WDR17: variants seen among roughly 807,000 people sequenced by gnomAD.
WDR17 encodes the protein WD repeat domain 17.
WDR17 carries 143 observed loss-of-function variants against 161.7 expected under a neutral mutation model. The observed-to-expected ratio is 0.88, with a 90% confidence interval of 0.77 to 1.02. WDR17 has a LOEUF of 1.02. Ranked by LOEUF, WDR17 falls within the 50% of genes least tolerant of loss-of-function variation. The probability of loss-of-function intolerance (pLI) is 0.00; values close to 1 mark genes in which losing one functional copy is unlikely to be tolerated. For synonymous variants in WDR17, 517 were observed against 515.6 expected (o/e 1.00, Z -0.04); for missense variants, 1,469 against 1,520.9 (o/e 0.97, Z 0.57).
chr4:176,086,552 C>T (rs1735443506), intron 1 of WDR17, among the ~76,000 whole-genome samples: 1 of 151,746 alleles, frequency 6.6e-6, no homozygotes, highest in African/African-American at 2.4e-5. Flanking sequence ...AGCAACGTTC[C>T]TCTCTTTTTG....
intron 5 of WDR17, among the ~76,000 whole-genome samples, chr4:176,126,586 C>T (rs992028397): frequency 6.6e-6 from 1 of 152,094 alleles, no homozygotes; most frequent in African/African-American, 2.4e-5. Context: ...CACAAAATTT[C>T]AAGAAGCAAA....
chr4:176,120,034 A>G lies in WDR17; in HGVS notation c.475A>G (p.Thr159Ala). 6.2e-7 allele frequency: 1 copy of G among 1,614,102 alleles called. No individual in the cohort carries two copies. Among genetic ancestry groups the G allele is most frequent in the African/African-American group, 1.3e-5 (1 of 75,024 alleles). The change falls in exon 4 of 29, where the codon ACA becomes GCA. Residue 159 changes from threonine (T) to alanine (A), a missense_variant. Thr to Ala is a moderately conservative substitution (Grantham distance 58, BLOSUM62 0). Coordinates refer to ENST00000508596, the MANE Select transcript of WDR17 (RefSeq NM_181265.4). ...TGATATCTGTATGTTCAGATGGCAT[A>G]CACACCAAAAGGGGAAAGTTGTGTT... ...LSDICMFRWH[T>A]HQKGKVVFGH...
At chr4:176,174,819 C>A in intron 26 of WDR17, 101 bp downstream of exon 26, 1 of 643,952 alleles carries the variant, frequency 1.6e-6, no homozygotes, top group Non-Finnish European at 2.6e-6. Context: ...TATATTATTA[C>A]AAGTATCCAT....
chr4:176,137,369 T>C (rs1239101969), intron 8 of WDR17, 151 bp from the exon 9 acceptor site: 6 of 569,680 alleles, frequency 1.1e-5, no homozygotes, highest in Non-Finnish European at 1.8e-5. Flanking sequence ...TTATTTTATC[T>C]ATAATTTTAT....
chr4:176,109,484 T>TA (rs751473083), intron 1 of WDR17, among the ~76,000 whole-genome samples: 2 of 152,138 alleles, frequency 1.3e-5, no homozygotes, highest in Non-Finnish European at 2.9e-5. Context: ...TTCAAGTAAT[T>TA]TATTTACTTT....
At chr4:176,157,910 A>G (rs1033180115) in intron 18 of WDR17, among the ~76,000 whole-genome samples, 3 of 152,182 alleles carry the variant, frequency 2.0e-5, no homozygotes, top group African/African-American at 7.2e-5. Context: ...AACCAAGTGA[A>G]GAGGCTAGAG....
intron 21 of WDR17, among the ~76,000 whole-genome samples, chr4:176,162,575 T>A (rs1401839769): frequency 6.6e-6 from 1 of 152,160 alleles, no homozygotes; most frequent in African/African-American, 2.4e-5. Flanking sequence ...AATTCTAAAA[T>A]GAAAATATGA....
chr4:176,121,552 G>T (rs1400391862), intron 4 of WDR17, among the ~76,000 whole-genome samples: 2 of 152,146 alleles, frequency 1.3e-5, no homozygotes, highest in African/African-American at 4.8e-5. Flanking sequence ...ATCTGAAGAA[G>T]ATATGAGGAG....
At chr4:176,123,251 AG>A (rs1163678708) in intron 4 of WDR17, among the ~76,000 whole-genome samples, 1 of 152,170 alleles carries the variant, frequency 6.6e-6, no homozygotes, top group Non-Finnish European at 1.5e-5. Context: ...AAACAGACTC[AG>A]TTTCTCCTAC....
At chr4:176,159,313 G>GGAGAGA (rs149384853) in intron 18 of WDR17, among the ~76,000 whole-genome samples, 8,688 of 143,742 alleles carry the variant, frequency 0.06, 492 homozygotes, top group East Asian at 0.17. Context: ...ACACACAGAT[G>GGAGAGA]GAGAGAGAGA....
chr4:176,152,421 C>T (rs191105785), intron 17 of WDR17, among the ~76,000 whole-genome samples: 13 of 151,226 alleles, frequency 8.6e-5, no homozygotes, highest in Non-Finnish European at 1.3e-4. Context: ...ATGGGGAAAC[C>T]TTGTCTCTGC....
chr4:176,116,543 T>C (rs552813839), intron 3 of WDR17, among the ~76,000 whole-genome samples: 28 of 152,030 alleles, frequency 1.8e-4, no homozygotes, highest in Admixed American at 7.9e-4. Flanking sequence ...AGTTAAGTAA[T>C]AATTATTCTG....
At chr4:176,090,229 A>G (rs757253145) in intron 1 of WDR17, among the ~76,000 whole-genome samples, 20 of 149,400 alleles carry the variant, frequency 1.3e-4, no homozygotes, top group Non-Finnish European at 2.4e-4. Context: ...TTCTTGCTCT[A>G]TTAGTTCCTA....
chr4:176,066,824 C>T (rs1001922026), intron 1 of WDR17, among the ~76,000 whole-genome samples: 5 of 151,810 alleles, frequency 3.3e-5, no homozygotes, highest in African/African-American at 1.2e-4. Context: ...CTGAATCTTT[C>T]ATAAATACCC....
Position 176,131,888 on chromosome 4 carries a change from A to C in WDR17, c.1098+150A>C, listed in dbSNP as rs1049882325. 1.8e-5 allele frequency: 11 copies of C among 605,880 alleles called. No individual in the cohort carries two copies. In the African/African-American group the frequency reaches 1.9e-4, roughly 11 times the overall value. 37.5% of individuals were successfully genotyped at this position (605,880 alleles called of 1,614,324 possible). ...TTGTAGCTGGTTGAAACATTTTAGA[A>C]AATGCATAGAATGATGATAAAACTA... On this transcript the variant is annotated intron_variant, in intron 7 of 28. Coordinates refer to ENST00000508596, the MANE Select transcript of WDR17 (RefSeq NM_181265.4).
chr4:176,125,941 T>C (rs1381420856), intron 5 of WDR17, among the ~76,000 whole-genome samples: 1 of 152,112 alleles, frequency 6.6e-6, no homozygotes, highest in African/African-American at 2.4e-5. Context: ...GTGAGGAACT[T>C]TGTGCTGCTG....
intron 6 of WDR17, among the ~76,000 whole-genome samples, chr4:176,131,243 A>G (rs1018894155): frequency 6.6e-6 from 1 of 152,212 alleles, no homozygotes; most frequent in Admixed American, 6.5e-5. Context: ...AAGGAAGTTT[A>G]TAATTCAGAA....
chr4:176,083,052 A>G (rs1734959356), intron 1 of WDR17, among the ~76,000 whole-genome samples: 2 of 152,168 alleles, frequency 1.3e-5, no homozygotes, highest in Non-Finnish European at 2.9e-5. Flanking sequence ...AAACCAAATT[A>G]TATTAAATAG....
At chr4:176,099,615 G>A (rs1489234690) in intron 1 of WDR17, among the ~76,000 whole-genome samples, 1 of 152,006 alleles carries the variant, frequency 6.6e-6, no homozygotes, top group Non-Finnish European at 1.5e-5. Flanking sequence ...ATAAAATTAT[G>A]GAGTACAAGT....
Sources: allele counts gnomAD v4.1 joint callset (sites outside exome capture counted in the v4.1 genomes callset), GRCh38; gene constraint gnomAD v4.1.1; transcripts MANE v1.5; gene names NCBI Gene and HGNC (gene_info 2026-07-23, HGNC 2026-07-21).